Variants in BRWD1 observed in about 807,000 individuals in gnomAD.
The protein encoded by BRWD1 is bromodomain and WD repeat-containing protein 1.
A neutral mutation model predicts 251.2 loss-of-function variants in BRWD1; 82 were observed. The ratio of observed to expected loss-of-function variants is 0.33; its 90% CI spans 0.27 to 0.39. BRWD1 has a LOEUF of 0.39. BRWD1 is among the 10% of genes least tolerant of loss of function. The pLI is 1.00. For missense variants in BRWD1, 2,233 were observed against 2,711.6 expected (o/e 0.82, Z 3.92); for synonymous variants, 918 against 902.8 (o/e 1.02, Z -0.30).
chr21:39,219,154 C>T (rs905815164), intron 29 of BRWD1, among the ~76,000 whole-genome samples: 1 of 152,142 alleles, frequency 6.6e-6, no homozygotes, highest in African/African-American at 2.4e-5. Flanking sequence ...GGCAGGGTGG[C>T]TGACGCCTGT....
chr21:39,299,861 T>C (rs941211060), intron 4 of BRWD1, among the ~76,000 whole-genome samples: 12 of 150,616 alleles, frequency 8.0e-5, no homozygotes, highest in Non-Finnish European at 1.8e-4. Context: ...TAGGCGCCTG[T>C]AATCCCAGCT....
Position 39,313,225 on chromosome 21 carries a change from G to A in BRWD1, c.108+16C>T, listed in dbSNP as rs1243083311. 1.2e-5 allele frequency: 19 copies of A among 1,526,128 alleles called. No individual in the cohort carries two copies. Among genetic ancestry groups the A allele is most frequent in the Middle Eastern group, 2.1e-4 (1 of 4,672 alleles). The allele number at this position is 1,526,128 out of a possible 1,614,324, so 94.5% of individuals were successfully genotyped here. A position where few individuals can be genotyped will look rare whatever the true frequency, so the allele number is the denominator to read the frequency against. ...GGGGACGCCAAGTCCGCAGCCGCCC[G>A]CGGGCCCGCACTCACCTGGGCCGCT... On this transcript the variant is annotated intron_variant, in intron 2 of 40. Coordinates refer to ENST00000342449, the MANE Select transcript of BRWD1 (RefSeq NM_033656.4).
In BRWD1 at chr21:39,187,058, C is replaced by T. The variant is rs2031275018; in HGVS notation, c.*9201G>A. ...GCATTTTCTTTCCAGGATCTGAACC[C>T]CCTTAAAAAAAGCATTTTTCTATTA... On this transcript the variant is annotated 3_prime_UTR_variant, in exon 41 of 41. Coordinates refer to ENST00000342449, the MANE Select transcript of BRWD1 (RefSeq NM_033656.4). 1.3e-6 allele frequency: 2 copies of T among 1,586,074 alleles called. No homozygotes were observed.
chr21:39,314,355 G>T (rs1376168383), upstream of BRWD1: 1 of 455,654 alleles, frequency 2.2e-6, no homozygotes, highest in Admixed American at 2.4e-5. Context: ...TCGCCGAGGG[G>T]GTGCGAGTCG....
upstream of BRWD1, chr21:39,314,399 G>A (rs1311794832): frequency 2.2e-6 from 1 of 452,292 alleles, no homozygotes; most frequent in Non-Finnish European, 4.5e-6. Flanking sequence ...TGACGGCTCG[G>A]CTGGATCCAT....
intron 27 of BRWD1, 53 bp from the exon 28 acceptor site, chr21:39,225,250 AT>A (rs1478394671): frequency 9.3e-6 from 12 of 1,286,382 alleles, no homozygotes; most frequent in African/African-American, 1.5e-5. Flanking sequence ...ATTCATTAAC[AT>A]TTTTTTAATC....
chr21:39,261,667 AT>A lies in BRWD1; in HGVS notation c.1885+2792del, dbSNP rs1334438458. Among the ~76,000 whole-genome samples, 10 of 152,098 alleles carry A rather than the reference AT, an allele frequency of 6.6e-5. No homozygotes were observed. In the South Asian group the frequency reaches 2.1e-3, roughly 32 times the overall value. ...TGGGTCTGCAAACCACACATTGACA[AT>A]TTCTGCCCTAAAGCAACCATTACAT... On this transcript the variant is annotated intron_variant, in intron 17 of 40. Coordinates refer to ENST00000342449, the MANE Select transcript of BRWD1 (RefSeq NM_033656.4).
At chr21:39,294,989 T>C (rs1279289480) in intron 7 of BRWD1, among the ~76,000 whole-genome samples, 1 of 152,180 alleles carries the variant, frequency 6.6e-6, no homozygotes, top group East Asian at 1.9e-4. Context: ...ACTTGAACAC[T>C]AATGGGTTAT....
At chr21:39,272,396 G>A (rs1433670511) in intron 13 of BRWD1, among the ~76,000 whole-genome samples, 4 of 150,988 alleles carry the variant, frequency 2.6e-5, no homozygotes, top group East Asian at 2.0e-4. Context: ...GGCATGTGGC[G>A]GGCGCCTGTA....
chr21:39,200,939 G>A (rs573983715), intron 38 of BRWD1, among the ~76,000 whole-genome samples: 3 of 152,300 alleles, frequency 2.0e-5, no homozygotes, highest in African/African-American at 7.2e-5. Context: ...AGCCAAGATC[G>A]TGCCACTGCA....
chr21:39,315,692 G>T (rs2836980), upstream of BRWD1: 77,288 of 151,016 alleles, frequency 0.51, 20,176 homozygotes, highest in African/African-American at 0.59. Flanking sequence ...TAGTGCAACA[G>T]TAAGTTAACT....
At position 39,193,509 on chromosome 21, in the gene BRWD1, T is replaced by C. The variant is rs917821799; in HGVS notation, c.*2750A>G. 1.0e-6 allele frequency: 1 copy of C among 985,270 alleles called. No homozygotes were observed. The highest frequency in any genetic ancestry group is 1.2e-6 in the Non-Finnish European group (1 of 829,716). 61.0% of individuals were successfully genotyped at this position (985,270 alleles called of 1,614,324 possible). On this transcript the variant is annotated 3_prime_UTR_variant, in exon 41 of 41. Transcript: ENST00000342449. ...CTTTATATGCTTGGTAAAGTGAGTC[T>C]TTCCAAGAAAGCAAAAATCAAATCT...
At chr21:39,287,494 TTTTC>T (rs1320153218) in intron 8 of BRWD1, among the ~76,000 whole-genome samples, 2 of 152,144 alleles carry the variant, frequency 1.3e-5, no homozygotes, top group African/African-American at 2.4e-5. Flanking sequence ...TCAATTCAGA[TTTTC>T]TTTTTGTGTC....
Position 39,240,636 on chromosome 21 carries a change from C to T in BRWD1, c.2482-2063G>A, listed in dbSNP as rs563161570. On this transcript the variant is annotated intron_variant, in intron 21 of 40. Coordinates refer to ENST00000342449, the MANE Select transcript of BRWD1 (RefSeq NM_033656.4). ...ACCTAACTGCCCATAACCAGGAGAA[C>T]GATTCAATAAACTGTTTCAATCATG... Among the ~76,000 whole-genome samples the T allele has an allele frequency of 7.2e-5, 11 of 152,198 alleles. 1 individual carries two copies. In the South Asian group the frequency reaches 1.5e-3, roughly 20 times the overall value.
At chr21:39,212,855 G>T in intron 33 of BRWD1, 148 bp from the exon 34 acceptor site, 1 of 536,484 alleles carries the variant, frequency 1.9e-6, no homozygotes, top group Admixed American at 3.9e-5. Context: ...ACTACCAGAT[G>T]ATCTTTGTGG....
intron 8 of BRWD1, among the ~76,000 whole-genome samples, chr21:39,292,368 T>C (rs1192936924): frequency 6.6e-6 from 1 of 152,160 alleles, no homozygotes. Context: ...AAGAGTAACA[T>C]TTTCTGTCCC....
intron 9 of BRWD1, among the ~76,000 whole-genome samples, chr21:39,279,324 C>T (rs2035375346): frequency 6.6e-6 from 1 of 152,084 alleles, no homozygotes; most frequent in Non-Finnish European, 1.5e-5. Flanking sequence ...ATTTCACATA[C>T]TCGTTATTCA....
In BRWD1 at chr21:39,236,866, C is replaced by G. The variant is rs1010563092; in HGVS notation, c.2577-82G>C. The G allele has an allele frequency of 2.0e-5, 25 of 1,271,086 alleles. No homozygotes were observed. In the African/African-American group the frequency reaches 3.0e-4, roughly 15 times the overall value. The allele number at this position is 1,271,086 out of a possible 1,614,324, so 78.7% of individuals were successfully genotyped here. On this transcript the variant is annotated intron_variant, in intron 22 of 40. Coordinates refer to ENST00000342449, the MANE Select transcript of BRWD1 (RefSeq NM_033656.4). Reference sequence around the variant, plus strand: ...AGTCAATCATATAAAATTGAGGGAACAGAGAGAGGAGAAAAAGGGAAGGGA... The same window carrying G: ...AGTCAATCATATAAAATTGAGGGAAGAGAGAGAGGAGAAAAAGGGAAGGGA...
chr21:39,282,972 A>G (rs866724123), intron 8 of BRWD1, among the ~76,000 whole-genome samples: 3 of 151,546 alleles, frequency 2.0e-5, no homozygotes, highest in African/African-American at 7.3e-5. Flanking sequence ...AAAAAAAAAA[A>G]AAAAGGAATT....
Sources: gnomAD v4.1 joint callset for allele counts (sites outside exome capture counted in the v4.1 genomes callset) on GRCh38, gnomAD v4.1.1 for gene constraint, MANE v1.5 for transcripts, NCBI Gene and HGNC (gene_info 2026-07-23, HGNC 2026-07-21) for gene names.